The following GMDS variants were observed in gnomAD, a reference collection of about 807,000 sequenced individuals.
The protein encoded by GMDS is GDP-mannose 4,6-dehydratase, also known as GDP-mannose 4,6 dehydratase.
A neutral mutation model predicts 49.9 loss-of-function variants in GMDS; 20 were observed. The observed-to-expected ratio is 0.40, with a 90% CI of 0.28 to 0.58. The LOEUF (loss-of-function observed/expected upper bound fraction) is 0.58. Ranked by LOEUF, GMDS falls within the 20% of genes least tolerant of loss-of-function variation. The pLI, the probability that GMDS is intolerant of heterozygous loss-of-function variation, is 0.42. For missense variants in GMDS, 362 were observed against 481.4 expected, an observed-to-expected ratio of 0.75 and a Z score of 2.32; for synonymous variants, 177 against 178.6, an observed-to-expected ratio of 0.99 and a Z score of 0.07.
Position 1,635,767 on chromosome 6 carries a change from GA to G in GMDS, c.988-11228del, listed in dbSNP as rs1283392439. Among the ~76,000 whole-genome samples, 1 of 152,188 alleles carries G rather than the reference GA, an allele frequency of 6.6e-6. No individual in the cohort carries two copies. The highest frequency in any genetic ancestry group is 6.5e-5 in the Admixed American group (1 of 15,272). On this transcript the variant is annotated intron_variant, in intron 9 of 10. Coordinates refer to ENST00000380815, the MANE Select transcript of GMDS (RefSeq NM_001500.4). This position sits in a 1 kb window ranked among gnomAD's most constrained non-coding sequence, Gnocchi z 4.7. Reference sequence around the variant, plus strand: ...CTGCGGTGGATGTGAAGGCGCTTTGGAAAAGACAGCTCTATCCAAATGTGAG... The same window carrying G: ...CTGCGGTGGATGTGAAGGCGCTTTGGAAAGACAGCTCTATCCAAATGTGAG...
chr6:1,832,818 G>A (rs1756726291), intron 7 of GMDS, among the ~76,000 whole-genome samples: 1 of 152,230 alleles, frequency 6.6e-6, no homozygotes, highest in Non-Finnish European at 1.5e-5. Context: ...TGTCTCGTAA[G>A]TTCTGTCTTT....
intron 1 of GMDS, among the ~76,000 whole-genome samples, chr6:2,174,591 G>A (rs570155310): frequency 2.0e-5 from 3 of 151,822 alleles, no homozygotes; most frequent in African/African-American, 7.2e-5. Context: ...AAATTGAGAC[G>A]GAGTCTTGCT....
chr6:1,845,696 A>G (rs1225046044), intron 7 of GMDS, among the ~76,000 whole-genome samples: 1 of 152,180 alleles, frequency 6.6e-6, no homozygotes, highest in Non-Finnish European at 1.5e-5. Context: ...GTTCCACCTC[A>G]GATCATCAGG....
intron 7 of GMDS, among the ~76,000 whole-genome samples, chr6:1,928,710 T>C (rs1762141067): frequency 6.6e-6 from 1 of 152,216 alleles, no homozygotes; most frequent in South Asian, 2.1e-4. Flanking sequence ...GGCTCATCCC[T>C]GTAATCCCAG....
intron 2 of GMDS, among the ~76,000 whole-genome samples, chr6:2,122,729 C>T (rs1184654374): frequency 6.6e-6 from 1 of 152,180 alleles, no homozygotes; most frequent in Non-Finnish European, 1.5e-5. Flanking sequence ...CACTTACAGT[C>T]CCACAATATG....
intron 4 of GMDS, among the ~76,000 whole-genome samples, chr6:1,975,142 A>G (rs1291078712): frequency 6.6e-6 from 1 of 152,206 alleles, no homozygotes; most frequent in East Asian, 1.9e-4. Context: ...AAATCTAGCA[A>G]CGTCTATGGC....
intron 1 of GMDS, among the ~76,000 whole-genome samples, chr6:2,188,531 G>T (rs560698538): frequency 6.6e-6 from 1 of 152,088 alleles, no homozygotes; most frequent in Non-Finnish European, 1.5e-5. Context: ...GTTTTAATTC[G>T]TACTCTTTGC....
rs1763829644 is a variant in GMDS at position 1,959,637 on chromosome 6, GA to G, written c.643+229del. The G allele has an allele frequency of 4.0e-5, 13 of 327,378 alleles. No individual in the cohort carries two copies. In the South Asian group the frequency reaches 1.4e-3, roughly 35 times the overall value. The allele number at this position is 327,378 out of a possible 1,614,324, so 20.3% of individuals were successfully genotyped here. On this transcript the variant is annotated intron_variant, in intron 6 of 10. Coordinates refer to ENST00000380815, the MANE Select transcript of GMDS (RefSeq NM_001500.4). The stretch of plus-strand genomic sequence containing the variant: ...TCTACTAATTAAAATGGTAAAACTG[GA>G]ACACTGTCCAGTTTTTAATGTTAAA...
At chr6:1,760,229 A>T (rs1052906098) in intron 7 of GMDS, among the ~76,000 whole-genome samples, 2 of 152,142 alleles carry the variant, frequency 1.3e-5, no homozygotes, top group Admixed American at 1.3e-4. Context: ...GTTTTCCATG[A>T]ATTTCTTTGA....
intron 4 of GMDS, among the ~76,000 whole-genome samples, chr6:1,980,199 A>C (rs1441610758): frequency 6.6e-6 from 1 of 152,164 alleles, no homozygotes; most frequent in African/African-American, 2.4e-5. Flanking sequence ...AACAATACTA[A>C]CCTTAAATGT....
At chr6:2,063,673 G>A (rs545626450) in intron 4 of GMDS, among the ~76,000 whole-genome samples, 9 of 152,168 alleles carry the variant, frequency 5.9e-5, no homozygotes, top group Non-Finnish European at 1.0e-4. Flanking sequence ...TGCCACAATG[G>A]CTGTCAGAAA....
At chr6:1,688,090 G>A (rs550024344) in intron 9 of GMDS, among the ~76,000 whole-genome samples, 204 of 152,300 alleles carry the variant, frequency 1.3e-3, no homozygotes, top group Non-Finnish European at 2.6e-3. Context: ...TTTGTTTAGC[G>A]GGGCTTGGGA....
chr6:1,855,633 T>C lies in GMDS; in HGVS notation c.771+74470A>G, dbSNP rs566986816. ...GAGGAAAAAGAACTCAAAGATCCACTGAGAGAAATATTCAACTGGACCAAG... is the reference window on the plus strand; with the variant it reads ...GAGGAAAAAGAACTCAAAGATCCACCGAGAGAAATATTCAACTGGACCAAG... On this transcript the variant is annotated intron_variant, in intron 7 of 10. Transcript: ENST00000380815. Among the ~76,000 whole-genome samples the C allele has an allele frequency of 9.9e-5, 15 of 152,270 alleles. 1 individual carries two copies. In the South Asian group the frequency reaches 2.9e-3, roughly 29 times the overall value.
intron 7 of GMDS, among the ~76,000 whole-genome samples, chr6:1,914,928 C>T (rs1013451631): frequency 1.3e-5 from 2 of 152,304 alleles, no homozygotes; most frequent in East Asian, 1.9e-4. Flanking sequence ...CAGAAGTGTG[C>T]GAGGTTGTCA....
intron 1 of GMDS, among the ~76,000 whole-genome samples, chr6:2,239,872 G>C (rs1781532596): frequency 6.6e-6 from 1 of 151,988 alleles, no homozygotes; most frequent in Non-Finnish European, 1.5e-5. Context: ...ATTTTTAGTA[G>C]AGACAGGGTT....
chr6:2,061,416 G>T (rs1771153263), intron 4 of GMDS, among the ~76,000 whole-genome samples: 1 of 152,084 alleles, frequency 6.6e-6, no homozygotes, highest in South Asian at 2.1e-4. Flanking sequence ...ATGAAAATCA[G>T]TATTAAAGAT....
chr6:2,148,148 G>A (rs1460704881), intron 1 of GMDS, among the ~76,000 whole-genome samples: 1 of 152,026 alleles, frequency 6.6e-6, no homozygotes, highest in Non-Finnish European at 1.5e-5. Flanking sequence ...GAGCAACAGG[G>A]TAAATAACTT....
intron 4 of GMDS, among the ~76,000 whole-genome samples, chr6:1,989,411 T>C (rs906557635): frequency 3.9e-5 from 6 of 152,228 alleles, no homozygotes; most frequent in Admixed American, 2.6e-4. Context: ...ATAAAGAGTT[T>C]GCTCTGAGGG....
chr6:2,219,869 C>G (rs1001477450), intron 1 of GMDS, among the ~76,000 whole-genome samples: 1 of 152,120 alleles, frequency 6.6e-6, no homozygotes, highest in Non-Finnish European at 1.5e-5. Flanking sequence ...CAAAATGTCC[C>G]CAAATCCAAA....
Sources: gnomAD v4.1 joint callset for allele counts (sites outside exome capture counted in the v4.1 genomes callset) on GRCh38, gnomAD v4.1.1 for gene constraint, Gnocchi (gnomAD v3.1) non-coding constraint, MANE v1.5 for transcripts, NCBI Gene and HGNC (gene_info 2026-07-23, HGNC 2026-07-21) for gene names.